DOCK3: variants seen among roughly 807,000 people sequenced by gnomAD.
DOCK3 encodes dedicator of cytokinesis protein 3.
A neutral mutation model predicts 265.6 loss-of-function variants in DOCK3; 60 were observed. The ratio of observed to expected loss-of-function variants is 0.23; its 90% confidence interval spans 0.18 to 0.28. The LOEUF is 0.28. Ranked by LOEUF, DOCK3 falls within the 10% of genes least tolerant of loss-of-function variation. The pLI is 1.00. For synonymous variants in DOCK3, 881 were observed against 938.0 expected (o/e 0.94, Z 1.11); for missense variants, 1,981 against 2,594.3 (o/e 0.76, Z 5.14).
chr3:51,232,605 T>A (rs2078174321), intron 19 of DOCK3, among the ~76,000 whole-genome samples: 1 of 152,154 alleles, frequency 6.6e-6, no homozygotes, highest in Non-Finnish European at 1.5e-5. Flanking sequence ...GTGGTTTTAG[T>A]TTGTGTTTCC....
intron 32 of DOCK3, among the ~76,000 whole-genome samples, chr3:51,319,681 A>G (rs1299710243): frequency 6.6e-6 from 1 of 152,110 alleles, no homozygotes. Flanking sequence ...CCTGGCCAAC[A>G]TGGTGAAACC....
intron 5 of DOCK3, among the ~76,000 whole-genome samples, chr3:50,970,036 C>T (rs1377102442): frequency 1.3e-5 from 2 of 152,028 alleles, no homozygotes; most frequent in Non-Finnish European, 2.9e-5. Context: ...AGCGCCACTG[C>T]ACTCCAGCCT....
intron 10 of DOCK3, among the ~76,000 whole-genome samples, chr3:51,158,484 C>A (rs1028067822): frequency 6.6e-6 from 1 of 152,088 alleles, no homozygotes; most frequent in African/African-American, 2.4e-5. Flanking sequence ...GACAAGGCTG[C>A]AGTGAGCCGT....
chr3:50,779,414 G>A (rs1338355149), intron 2 of DOCK3, among the ~76,000 whole-genome samples: 1 of 151,648 alleles, frequency 6.6e-6, no homozygotes, highest in African/African-American at 2.4e-5. Flanking sequence ...AGGGAGCCTT[G>A]CTCTTGTTGC....
chr3:51,060,778 G>A (rs1293391519), intron 5 of DOCK3, among the ~76,000 whole-genome samples: 3 of 152,148 alleles, frequency 2.0e-5, no homozygotes, highest in African/African-American at 7.2e-5. Flanking sequence ...CCAGTACCAT[G>A]CTGTTTTGGT....
chr3:50,937,711 T>C (rs1317840207), intron 5 of DOCK3, among the ~76,000 whole-genome samples: 1 of 152,158 alleles, frequency 6.6e-6, no homozygotes, highest in Non-Finnish European at 1.5e-5. Context: ...AGCAGCTACA[T>C]ATGTATATTG....
intron 5 of DOCK3, among the ~76,000 whole-genome samples, chr3:51,026,568 T>C (rs2079833033): frequency 6.6e-6 from 1 of 152,088 alleles, no homozygotes; most frequent in Admixed American, 6.6e-5. Context: ...TACCAGCTCT[T>C]TTTTTGTGTA....
chr3:51,038,164 C>T (rs904321097), intron 5 of DOCK3, among the ~76,000 whole-genome samples: 1 of 152,090 alleles, frequency 6.6e-6, no homozygotes, highest in Non-Finnish European at 1.5e-5. Context: ...GAAAGGGAGC[C>T]CTATTAATCT....
chr3:51,370,569 T>C (rs1309234813), intron 49 of DOCK3, among the ~76,000 whole-genome samples: 1 of 152,386 alleles, frequency 6.6e-6, no homozygotes, highest in South Asian at 2.1e-4. Flanking sequence ...ATTTATTCAC[T>C]TATCAAGCTT....
At chr3:51,231,728 A>G (rs1393771064) in intron 19 of DOCK3, among the ~76,000 whole-genome samples, 1 of 152,172 alleles carries the variant, frequency 6.6e-6, no homozygotes. Flanking sequence ...CTCTGTTGAT[A>G]GTTTCTTTTG....
intron 1 of DOCK3, among the ~76,000 whole-genome samples, chr3:50,770,945 A>G (rs1400424876): frequency 4.6e-5 from 7 of 152,242 alleles, no homozygotes; most frequent in Non-Finnish European, 1.0e-4. Context: ...ATTTCTTGCC[A>G]TATACAAAAA....
At chr3:50,850,707 T>G (rs2107377284) in intron 3 of DOCK3, among the ~76,000 whole-genome samples, 1 of 152,288 alleles carries the variant, frequency 6.6e-6, no homozygotes, top group Admixed American at 6.5e-5. Flanking sequence ...CCCTCTCTCC[T>G]TCTCCTCAGG....
At chr3:50,793,346 CTTTT>C in intron 2 of DOCK3, among the ~76,000 whole-genome samples, 1 of 144,498 alleles carries the variant, frequency 6.9e-6, no homozygotes, top group East Asian at 2.0e-4. Flanking sequence ...TATTAATTTT[CTTTT>C]TCTTTTTCTT....
chr3:51,202,893 A>G (rs1187236644), intron 12 of DOCK3, among the ~76,000 whole-genome samples: 1 of 152,034 alleles, frequency 6.6e-6, no homozygotes, highest in African/African-American at 2.4e-5. Context: ...AATCCAGCAT[A>G]TAAACAGAAC....
intron 3 of DOCK3, among the ~76,000 whole-genome samples, chr3:50,879,093 C>T (rs890728841): frequency 6.6e-6 from 1 of 152,110 alleles, no homozygotes; most frequent in Non-Finnish European, 1.5e-5. Flanking sequence ...GATTTTGTCA[C>T]CACCAGGCCT....
chr3:51,208,995 A>G, intron 13 of DOCK3, 133 bp downstream of exon 13: 1 of 730,530 alleles, frequency 1.4e-6, no homozygotes, highest in South Asian at 2.5e-5. Context: ...GGCATTTCCT[A>G]CTCATTCTTT....
In DOCK3 at chr3:51,007,249, A is replaced by G. The variant is rs1485738363; in HGVS notation, c.316-57199A>G. Among the ~76,000 whole-genome samples, 6 of 152,270 alleles carry G rather than the reference A, an allele frequency of 3.9e-5. No homozygotes were observed. The East Asian group carries it at 1.2e-3, about 29-fold the overall frequency. ...GTTTACAGTCCCACCAACAGTGTAAAAGTGTTCCTATTTCTCCACATCCTC... is the reference window on the plus strand; with the variant it reads ...GTTTACAGTCCCACCAACAGTGTAAGAGTGTTCCTATTTCTCCACATCCTC... On this transcript the variant is annotated intron_variant, in intron 5 of 52. Transcript: ENST00000266037.
At chr3:51,237,012 A>C (rs2108477643) in intron 20 of DOCK3, among the ~76,000 whole-genome samples, 1 of 152,212 alleles carries the variant, frequency 6.6e-6, no homozygotes, top group East Asian at 1.9e-4. Context: ...AGTTGCAATG[A>C]GTACTTGCAT....
chr3:51,058,727 G>A (rs1279618570), intron 5 of DOCK3, among the ~76,000 whole-genome samples: 1 of 152,090 alleles, frequency 6.6e-6, no homozygotes, highest in African/African-American at 2.4e-5. Flanking sequence ...TCAGTGTCTG[G>A]TGGGGGTCCA....
Sources: gnomAD v4.1 joint callset for allele counts (sites outside exome capture counted in the v4.1 genomes callset) on GRCh38, gnomAD v4.1.1 for gene constraint, MANE v1.5 for transcripts, NCBI Gene and HGNC (gene_info 2026-07-23, HGNC 2026-07-21) for gene names.